The following IMPG1 variants were observed in gnomAD, a reference collection of about 807,000 sequenced individuals.
The protein encoded by IMPG1 is interphotoreceptor matrix proteoglycan 1, also known as interphotoreceptor matrix proteoglycan of 150 kDa.
IMPG1 carries 85 observed loss-of-function variants against 92.0 expected under a neutral mutation model. The ratio of observed to expected loss-of-function variants is 0.92; its 90% CI spans 0.78 to 1.11. The LOEUF is 1.11. IMPG1 is among the 50% of genes least tolerant of loss of function. IMPG1 has a pLI of 0.00. For synonymous variants in IMPG1, 367 were observed against 334.1 expected (o/e 1.10, Z -1.08); for missense variants, 1,022 against 956.0 (o/e 1.07, Z -0.91).
At position 75,922,106 on chromosome 6, in the gene IMPG1, C is replaced by T. The variant is rs76604824; in HGVS notation, c.2377G>A (p.Asp793Asn). The change falls in exon 17 of 17, where the codon GAT becomes AAT. Residue 793 changes from aspartate (D) to asparagine (N), a missense_variant. Around this residue, in one of 3 missense-constraint regions of IMPG1, gnomAD observed 332 missense variants for 346.2 expected, o/e 0.96. Coordinates refer to ENST00000369950, the MANE Select transcript of IMPG1 (RefSeq NM_001563.4). ...TTCAGTTTTTAATTTCCTTCCCAAT[C>T]TTGATGGTTAAATTCTTCATATTCT... Reference protein sequence around the residue: ...TVEYEEFNHQDWEGN With the variant: ...TVEYEEFNHQNWEGN 19,601 of 1,347,536 alleles carry T rather than the reference C, an allele frequency of 0.015. 494 individuals carry two copies. The highest frequency in any genetic ancestry group is 0.12 in the East Asian group (5,204 of 42,414). 83.5% of individuals were successfully genotyped at this position (1,347,536 alleles called of 1,614,324 possible).
At chr6:76,022,483 G>A (rs1379285863) in intron 5 of IMPG1, among the ~76,000 whole-genome samples, 1 of 152,128 alleles carries the variant, frequency 6.6e-6, no homozygotes, top group Non-Finnish European at 1.5e-5. Context: ...TTTGCCAGAT[G>A]AGACCTGATT....
chr6:76,062,385 C>T (rs974640201), intron 1 of IMPG1, among the ~76,000 whole-genome samples: 7 of 152,018 alleles, frequency 4.6e-5, no homozygotes, highest in Non-Finnish European at 7.4e-5. Context: ...TGATGCTTGT[C>T]AAAATTAGAT....
intron 1 of IMPG1, among the ~76,000 whole-genome samples, chr6:76,064,924 T>G (rs943203339): frequency 1.3e-5 from 2 of 152,098 alleles, no homozygotes; most frequent in African/African-American, 4.8e-5. Context: ...GACAATGAAC[T>G]TGCTCACATG....
chr6:76,057,477 A>G (rs1168151962), intron 1 of IMPG1, among the ~76,000 whole-genome samples: 1 of 152,126 alleles, frequency 6.6e-6, no homozygotes, highest in Admixed American at 6.6e-5. Context: ...TGCTTCCTCA[A>G]AGTGGGGCTT....
At chr6:76,045,002 A>G (rs1456039568) in intron 1 of IMPG1, among the ~76,000 whole-genome samples, 2 of 152,112 alleles carry the variant, frequency 1.3e-5, no homozygotes, top group Admixed American at 1.3e-4. Context: ...TTCCCCTACT[A>G]GGGTCAGTAT....
chr6:76,053,948 C>T (rs1029616241), intron 1 of IMPG1, among the ~76,000 whole-genome samples: 1 of 152,062 alleles, frequency 6.6e-6, no homozygotes, highest in South Asian at 2.1e-4. Flanking sequence ...GCAGATCAAA[C>T]AGAAACAGCT....
intron 12 of IMPG1, among the ~76,000 whole-genome samples, chr6:75,962,901 T>C (rs1427748684): frequency 6.6e-6 from 1 of 151,728 alleles, no homozygotes; most frequent in African/African-American, 2.4e-5. Context: ...ATTAGCCAGG[T>C]GTGGTGGCAC....
intron 12 of IMPG1, among the ~76,000 whole-genome samples, chr6:75,992,678 C>G (rs1782831824): frequency 6.6e-6 from 1 of 152,116 alleles, no homozygotes; most frequent in Non-Finnish European, 1.5e-5. Flanking sequence ...TTCTGAAAGC[C>G]CAGAACAAAC....
chr6:75,984,635 A>G (rs1401441441), intron 12 of IMPG1, among the ~76,000 whole-genome samples: 1 of 152,246 alleles, frequency 6.6e-6, no homozygotes, highest in Non-Finnish European at 1.5e-5. Flanking sequence ...ATTTCAAAAT[A>G]TCATTTTTGA....
chr6:75,940,860 T>G (rs1010823280), intron 14 of IMPG1, among the ~76,000 whole-genome samples: 1 of 152,204 alleles, frequency 6.6e-6, no homozygotes, highest in African/African-American at 2.4e-5. Context: ...CTCTTGCATC[T>G]TCTGGAATAG....
chr6:76,066,143 G>A (rs372364336), intron 1 of IMPG1, among the ~76,000 whole-genome samples: 5 of 152,122 alleles, frequency 3.3e-5, no homozygotes, highest in African/African-American at 1.2e-4. Flanking sequence ...CAATACAGGT[G>A]TTATAAAAGT....
At chr6:75,982,909 C>A (rs1356285529) in intron 12 of IMPG1, among the ~76,000 whole-genome samples, 1 of 152,000 alleles carries the variant, frequency 6.6e-6, no homozygotes, top group Non-Finnish European at 1.5e-5. Flanking sequence ...CATTAACATC[C>A]ATTCATCTGC....
rs185925024 is a variant in IMPG1 at position 76,019,741 on chromosome 6, G to A, written c.667-883C>T. Reference sequence around the variant, plus strand: ...TGTAGCATGGTGCTAGGATCAATGGGACACTGAAAAGTCTGACATGCAGTA... The same window carrying A: ...TGTAGCATGGTGCTAGGATCAATGGAACACTGAAAAGTCTGACATGCAGTA... On this transcript the variant is annotated intron_variant, in intron 6 of 16. Coordinates refer to ENST00000369950, the MANE Select transcript of IMPG1 (RefSeq NM_001563.4). Among the ~76,000 whole-genome samples the A allele has an allele frequency of 4.7e-3, 722 of 152,326 alleles. 10 individuals carry two copies. Among genetic ancestry groups the A allele is most frequent in the Non-Finnish European group, 2.4e-3 (161 of 68,034 alleles).
chr6:75,934,433 T>G (rs1003417464), intron 14 of IMPG1, among the ~76,000 whole-genome samples: 6 of 152,230 alleles, frequency 3.9e-5, no homozygotes, highest in African/African-American at 1.4e-4. Context: ...TAATGTCTTC[T>G]GTGTGCATTT....
At position 76,037,812 on chromosome 6, in the gene IMPG1, G is replaced by GTGT. The variant is rs1381898900; in HGVS notation, c.302-3028_302-3026dup. 2.6e-5 allele frequency among the ~76,000 whole-genome samples: 4 copies of GTGT among 152,320 alleles called. No individual in the cohort carries two copies. In the South Asian group the frequency reaches 6.2e-4, roughly 24 times the overall value. ...GGTGACTTTCATGGACAATATCTAA[G>GTGT]TGTTGGTGACTTTCATGGACAATAT... On this transcript the variant is annotated intron_variant, in intron 2 of 16. Coordinates refer to ENST00000369950, the MANE Select transcript of IMPG1 (RefSeq NM_001563.4).
intron 12 of IMPG1, among the ~76,000 whole-genome samples, chr6:75,979,273 T>C (rs998277875): frequency 6.6e-6 from 1 of 152,108 alleles, no homozygotes; most frequent in East Asian, 1.9e-4. Context: ...AAGGCTGACA[T>C]TGGAGCAATA....
chr6:76,006,345 A>T (rs1445758284), intron 9 of IMPG1, among the ~76,000 whole-genome samples: 2 of 148,364 alleles, frequency 1.3e-5, no homozygotes, highest in South Asian at 2.1e-4. Context: ...ATATGCACAC[A>T]ATATATATAT....
chr6:76,017,976 T>A (rs1783322233), intron 7 of IMPG1, among the ~76,000 whole-genome samples: 1 of 152,060 alleles, frequency 6.6e-6, no homozygotes, highest in South Asian at 2.1e-4. Context: ...TGGTATCGAA[T>A]TCCTGATCCA....
rs982584609 is a variant in IMPG1, at chr6:76,024,151, A to C, written c.562+1043T>G. On this transcript the variant is annotated intron_variant, in intron 5 of 16. Coordinates refer to ENST00000369950, the MANE Select transcript of IMPG1 (RefSeq NM_001563.4). ...TTATTAGCTACAAGTCAGTCCAGAAATGATAAATTAGCTGAACTTAGGAGA... is the reference window on the plus strand; with the variant it reads ...TTATTAGCTACAAGTCAGTCCAGAACTGATAAATTAGCTGAACTTAGGAGA... 2.0e-5 allele frequency among the ~76,000 whole-genome samples: 3 copies of C among 152,176 alleles called. No homozygotes were observed. In the South Asian group the frequency reaches 6.2e-4, roughly 31 times the overall value.
Sources: allele counts gnomAD v4.1 joint callset (sites outside exome capture counted in the v4.1 genomes callset), GRCh38; gene constraint gnomAD v4.1.1; regional missense constraint gnomAD v4.1.1; transcripts MANE v1.5; gene names NCBI Gene and HGNC (gene_info 2026-07-23, HGNC 2026-07-21).